The following TCF4 variants were observed in gnomAD, a reference collection of about 807,000 sequenced individuals.
The protein encoded by TCF4 is SL3-3 enhancer factor 2.
In TCF4, 3 loss-of-function variants were observed where a neutral mutation model predicts 82.1. The ratio of observed to expected loss-of-function variants is 0.04; its 90% CI spans 0.02 to 0.09. The LOEUF (loss-of-function observed/expected upper bound fraction) is 0.09, where lower values mean the gene tolerates loss of function less well. Among genes scored for constraint, TCF4 ranks in the 10% least tolerant of loss-of-function variants. The probability of loss-of-function intolerance (pLI) is 1.00; values close to 1 mark genes in which losing one functional copy is unlikely to be tolerated. For synonymous variants in TCF4, 276 were observed against 309.6 expected, an observed-to-expected ratio of 0.89 and a Z score of 1.14; for missense variants, 518 against 852.7, an observed-to-expected ratio of 0.61 and a Z score of 4.89.
rs1329747159 is a variant in TCF4, at chr18:55,224,939, AT to A, written c.*3095del. 6.6e-6 allele frequency: 1 copy of A among 152,252 alleles called. No homozygotes were observed. The highest frequency in any genetic ancestry group is 1.5e-5 in the Non-Finnish European group (1 of 67,998). 9.4% of individuals were successfully genotyped at this position (152,252 alleles called of 1,614,324 possible). A position where few individuals can be genotyped will look rare whatever the true frequency, so the allele number is the denominator to read the frequency against. On this transcript the variant is annotated 3_prime_UTR_variant, in exon 20 of 20. Transcript: ENST00000354452. Reference sequence around the variant, plus strand: ...ATAGCGTAGTATGGACCCTTTTGAAATTTTTGTATAGTACTTTAATCTTAAC... The same window carrying A: ...ATAGCGTAGTATGGACCCTTTTGAAATTTTGTATAGTACTTTAATCTTAAC...
chr18:55,340,342 G>A (rs1375901000), intron 8 of TCF4, among the ~76,000 whole-genome samples: 1 of 151,972 alleles, frequency 6.6e-6, no homozygotes, highest in Non-Finnish European at 1.5e-5. Flanking sequence ...TGATTAAAAG[G>A]GCTGACTACG....
intron 10 of TCF4, among the ~76,000 whole-genome samples, chr18:55,270,466 C>G (rs1213578641): frequency 6.6e-6 from 1 of 151,920 alleles, no homozygotes; most frequent in Non-Finnish European, 1.5e-5. Context: ...TTTTTGAACC[C>G]CAGCAACAAT....
chr18:55,352,366 CCT>C (rs2082490016), intron 6 of TCF4, among the ~76,000 whole-genome samples: 1 of 152,092 alleles, frequency 6.6e-6, no homozygotes, highest in Non-Finnish European at 1.5e-5. Flanking sequence ...ATAAAGAGAA[CCT>C]CTCTATTCCA....
At chr18:55,322,696 G>A (rs2075916554) in intron 8 of TCF4, among the ~76,000 whole-genome samples, 1 of 152,236 alleles carries the variant, frequency 6.6e-6, no homozygotes, top group Non-Finnish European at 1.5e-5. Context: ...TGCTCCCCTC[G>A]CTGGCGCTGG....
chr18:55,293,219 A>T (rs2146661140), intron 8 of TCF4, among the ~76,000 whole-genome samples: 1 of 152,340 alleles, frequency 6.6e-6, no homozygotes, highest in Non-Finnish European at 1.5e-5. Flanking sequence ...GCAAGGGCCC[A>T]TCTGTAGGCA....
chr18:55,313,261 T>A (rs901252911), intron 8 of TCF4, among the ~76,000 whole-genome samples: 1 of 152,118 alleles, frequency 6.6e-6, no homozygotes, highest in Non-Finnish European at 1.5e-5. Flanking sequence ...AGAGTTCATT[T>A]ATGTAAACAT....
intron 15 of TCF4, among the ~76,000 whole-genome samples, chr18:55,250,236 G>A (rs1465211262): frequency 3.3e-5 from 5 of 152,126 alleles, no homozygotes; most frequent in Admixed American, 6.6e-5. Context: ...GGCACTCAGC[G>A]CAAACATGTT....
At chr18:55,384,730 T>C (rs976498950) in intron 6 of TCF4, among the ~76,000 whole-genome samples, 2 of 151,492 alleles carry the variant, frequency 1.3e-5, no homozygotes, top group Non-Finnish European at 2.9e-5. Flanking sequence ...TTTTCTCCTC[T>C]AGCCACCAGG....
chr18:55,420,913 AAAG>A (rs2094719518), intron 5 of TCF4, among the ~76,000 whole-genome samples: 1 of 151,906 alleles, frequency 6.6e-6, no homozygotes, highest in African/African-American at 2.4e-5. Context: ...AAAAAAAAAA[AAAG>A]AAACATTATC....
chr18:55,505,813 A>G (rs2096752614), intron 3 of TCF4, among the ~76,000 whole-genome samples: 1 of 151,136 alleles, frequency 6.6e-6, no homozygotes, highest in Non-Finnish European at 1.5e-5. Context: ...CAAAAAAAAA[A>G]AAAAAAAAAA....
At position 55,293,931 on chromosome 18, in the gene TCF4, C is replaced by CTTTTTTTTTTTTTTTTTTTT. The variant is rs781150808; in HGVS notation, c.550-14295_550-14276dup. On this transcript the variant is annotated intron_variant, in intron 8 of 19. Transcript: ENST00000354452. ...TTTCATCTTCTAAACTTTCCAAGGACTTTTTTTTTTTTTTTTTTTTTTTTT... is the reference window on the plus strand; with the variant it reads ...TTTCATCTTCTAAACTTTCCAAGGACTTTTTTTTTTTTTTTTTTTTTTTTTTTTTTTTTTTTTTTTTTTTT... Among the ~76,000 whole-genome samples, 9 of 40,054 alleles carry CTTTTTTTTTTTTTTTTTTTT rather than the reference C, an allele frequency of 2.2e-4. 2 individuals carry two copies. Among genetic ancestry groups the CTTTTTTTTTTTTTTTTTTTT allele is most frequent in the South Asian group, 1.7e-3 (1 of 588 alleles). The allele number at this position is 40,054 out of a possible 152,430, so 26.3% of individuals were successfully genotyped here.
chr18:55,525,613 G>A (rs1201360270), intron 3 of TCF4, among the ~76,000 whole-genome samples: 1 of 152,148 alleles, frequency 6.6e-6, no homozygotes, highest in Non-Finnish European at 1.5e-5. Flanking sequence ...TTAGGCACAA[G>A]AGGCAAAAGA....
chr18:55,439,447 G>T lies in TCF4; in HGVS notation c.304+21572C>A, dbSNP rs545840075. Among the ~76,000 whole-genome samples the T allele has an allele frequency of 1.3e-4, 20 of 152,258 alleles. 1 individual carries two copies. The South Asian group carries it at 4.1e-3, about 32-fold the overall frequency. On this transcript the variant is annotated intron_variant, in intron 5 of 19. Transcript: ENST00000354452. ...CTGAAATCAATGCCTGGAAAGAGGT[G>T]GGGTTGCTTATATGAGTGAGGAAGA...
In TCF4 at chr18:55,403,900, T is replaced by G. The variant is rs899237050; in HGVS notation, c.305-382A>C. 2.1e-6 allele frequency: 3 copies of G among 1,430,330 alleles called. No individual in the cohort carries two copies. In the African/African-American group the frequency reaches 4.3e-5, roughly 21 times the overall value. The allele number at this position is 1,430,330 out of a possible 1,614,324, so 88.6% of individuals were successfully genotyped here. ...ATGACCCTAGCCTAGTAATTCCCATTGATTATATTGACACTTAATAGTGAG... is the reference window on the plus strand; with the variant it reads ...ATGACCCTAGCCTAGTAATTCCCATGGATTATATTGACACTTAATAGTGAG... On this transcript the variant is annotated intron_variant, in intron 5 of 19. Coordinates refer to ENST00000354452, the MANE Select transcript of TCF4 (RefSeq NM_001083962.2).
chr18:55,404,560 C>T (rs2093992824), intron 5 of TCF4: 1 of 152,166 alleles, frequency 6.6e-6, no homozygotes, highest in South Asian at 2.1e-4. Flanking sequence ...AACAGGAAAA[C>T]TCTAAACTTG....
chr18:55,378,596 G>A (rs1294226506), intron 6 of TCF4, among the ~76,000 whole-genome samples: 1 of 152,202 alleles, frequency 6.6e-6, no homozygotes, highest in African/African-American at 2.4e-5. Context: ...CAGCTAAGAA[G>A]TCTGATTGAA....
intron 5 of TCF4, among the ~76,000 whole-genome samples, chr18:55,412,612 T>C (rs1603450896): frequency 6.6e-6 from 1 of 152,174 alleles, no homozygotes; most frequent in East Asian, 1.9e-4. Context: ...CCACGTTCTG[T>C]GGAGGCATGA....
chr18:55,565,074 T>C (rs1162447647), intron 3 of TCF4, among the ~76,000 whole-genome samples: 1 of 152,212 alleles, frequency 6.6e-6, no homozygotes, highest in African/African-American at 2.4e-5. Flanking sequence ...GAAACTGTGT[T>C]GTGCAGAATC....
intron 15 of TCF4, among the ~76,000 whole-genome samples, chr18:55,248,566 C>T (rs1600080040): frequency 1.3e-5 from 2 of 152,232 alleles, no homozygotes; most frequent in South Asian, 4.1e-4. Flanking sequence ...TCATTGCAGG[C>T]AGCCTAGGGC....
Sources: gnomAD v4.1 joint callset for allele counts (sites outside exome capture counted in the v4.1 genomes callset) on GRCh38, gnomAD v4.1.1 for gene constraint, MANE v1.5 for transcripts, NCBI Gene and HGNC (gene_info 2026-07-23, HGNC 2026-07-21) for gene names.